ZFAT: variants seen among roughly 807,000 people sequenced by gnomAD.
The protein encoded by ZFAT is zinc finger protein ZFAT.
ZFAT carries 64 observed loss-of-function variants against 117.7 expected under a neutral mutation model. The observed-to-expected ratio is 0.54, with a 90% CI of 0.44 to 0.67. The LOEUF is 0.67. Among genes scored for constraint, ZFAT ranks in the 30% least tolerant of loss-of-function variants. The pLI is 0.00. For missense variants in ZFAT, 1,433 were observed against 1,584.5 expected, an observed-to-expected ratio of 0.90 and a Z score of 1.62; for synonymous variants, 679 against 615.0, an observed-to-expected ratio of 1.10 and a Z score of -1.54.
chr8:134,639,971 C>T, intron 2 of ZFAT: 2 of 353,398 alleles, frequency 5.7e-6, no homozygotes. Context: ...CCCTTGGCTA[C>T]AGGGAGGTGA....
chr8:134,576,145 G>A (rs1825282003), intron 10 of ZFAT, among the ~76,000 whole-genome samples: 1 of 152,184 alleles, frequency 6.6e-6, no homozygotes, highest in Non-Finnish European at 1.5e-5. Flanking sequence ...CCCTCTACCT[G>A]GTGAGGTTTT....
the ZFAT span, among the ~76,000 whole-genome samples, chr8:134,825,792 G>A: frequency 5.3e-5 from 8 of 152,272 alleles, no homozygotes; most frequent in East Asian, 1.4e-3. Context: ...AGGACGAGGC[G>A]GGCGGATCAC....
the ZFAT span, among the ~76,000 whole-genome samples, chr8:134,806,201 T>C: frequency 1.3e-5 from 2 of 152,186 alleles, no homozygotes; most frequent in South Asian, 4.1e-4. Flanking sequence ...ATTAATTTCC[T>C]AATACCAAAT....
rs115485342 is a variant in ZFAT at position 134,659,207 on chromosome 8, A to G, written c.20-1470T>C. Among the ~76,000 whole-genome samples the G allele has an allele frequency of 7.0e-3, 1,062 of 152,200 alleles. 21 individuals are homozygous for G. The highest frequency in any genetic ancestry group is 0.024 in the African/African-American group (1,012 of 41,528). Reference sequence around the variant, plus strand: ...TCATCCTCCTCGCTCCTCACTCTCAACAGCTGACCTTGCTTCATATCTCAC... The same window carrying G: ...TCATCCTCCTCGCTCCTCACTCTCAGCAGCTGACCTTGCTTCATATCTCAC... On this transcript the variant is annotated intron_variant, in intron 1 of 15. Coordinates refer to ENST00000377838, the MANE Select transcript of ZFAT (RefSeq NM_020863.4).
intron 7 of ZFAT, among the ~76,000 whole-genome samples, chr8:134,596,034 T>C (rs886540992): frequency 3.9e-5 from 6 of 152,180 alleles, no homozygotes; most frequent in African/African-American, 9.7e-5. Context: ...CCTGCTTCCA[T>C]CTCCAGGGTC....
chr8:134,742,395 A>G, the ZFAT span, among the ~76,000 whole-genome samples: 1 of 152,160 alleles, frequency 6.6e-6, no homozygotes, highest in Admixed American at 6.5e-5. Flanking sequence ...CGCAGGTGCC[A>G]TCATGAAGCC....
intron 1 of ZFAT, among the ~76,000 whole-genome samples, chr8:134,661,362 A>G (rs987265806): frequency 6.6e-6 from 1 of 152,214 alleles, no homozygotes; most frequent in South Asian, 2.1e-4. Flanking sequence ...GAGAGCCAGC[A>G]GTCCACCAGC....
chr8:134,639,784 T>C, intron 2 of ZFAT: 1 of 456,200 alleles, frequency 2.2e-6, no homozygotes, highest in Non-Finnish European at 4.4e-6. Context: ...CCTCGTGTCA[T>C]GTCAGCTGAG....
At chr8:134,598,740 GT>G (rs1827161495) in intron 7 of ZFAT, 1 of 152,234 alleles carries the variant, frequency 6.6e-6, no homozygotes, top group Non-Finnish European at 1.5e-5. Flanking sequence ...AGAGCAGCAA[GT>G]TCCAAAAGGA....
At chr8:134,570,503 C>A (rs1348232110) in intron 10 of ZFAT, among the ~76,000 whole-genome samples, 1 of 152,148 alleles carries the variant, frequency 6.6e-6, no homozygotes, top group Non-Finnish European at 1.5e-5. Flanking sequence ...TGGTTGCAAT[C>A]ACCGAAGCAG....
chr8:134,584,112 G>T, intron 9 of ZFAT, 107 bp from the exon 10 acceptor site: 2 of 1,210,962 alleles, frequency 1.7e-6, no homozygotes, highest in Non-Finnish European at 1.1e-6. Context: ...TTATAGATAT[G>T]TATATATAAA....
chr8:134,760,622 G>T, the ZFAT span, among the ~76,000 whole-genome samples: 1 of 152,156 alleles, frequency 6.6e-6, no homozygotes, highest in Admixed American at 6.5e-5. Flanking sequence ...GTGCAAAGCA[G>T]TACTAAATGC....
intron 1 of ZFAT, among the ~76,000 whole-genome samples, chr8:134,675,505 A>T (rs1832753775): frequency 6.6e-6 from 1 of 152,228 alleles, no homozygotes. Flanking sequence ...TGATAGAGAG[A>T]ATGGAACCAA....
chr8:134,808,175 T>TGCACAC, the ZFAT span, among the ~76,000 whole-genome samples: 2 of 151,934 alleles, frequency 1.3e-5, no homozygotes, highest in African/African-American at 4.8e-5. Flanking sequence ...GACATGCACA[T>TGCACAC]GCACACATGC....
chr8:134,756,559 A>G, the ZFAT span, among the ~76,000 whole-genome samples: 1 of 152,112 alleles, frequency 6.6e-6, no homozygotes, highest in Admixed American at 6.5e-5. Context: ...TCCACCTCCA[A>G]TCCCTCTTCA....
At chr8:134,516,964 ATTGT>A (rs1820296217) in intron 13 of ZFAT, among the ~76,000 whole-genome samples, 2 of 152,170 alleles carry the variant, frequency 1.3e-5, no homozygotes, top group Admixed American at 1.3e-4. Context: ...AGGTGACTGA[ATTGT>A]TTTTTCCAAA....
chr8:134,739,287 ATGTGTGTGTGTG>A, the ZFAT span, among the ~76,000 whole-genome samples: 26 of 150,498 alleles, frequency 1.7e-4, no homozygotes, highest in African/African-American at 6.1e-4. Context: ...GTGTGTAGAG[ATGTGTGTGTGTG>A]TGTGTGTGTG....
At chr8:134,619,100 A>G (rs1034085869) in intron 3 of ZFAT, among the ~76,000 whole-genome samples, 2 of 152,168 alleles carry the variant, frequency 1.3e-5, no homozygotes, top group African/African-American at 4.8e-5. Context: ...AACCCATCCT[A>G]AGTCAAAAAT....
At chr8:134,787,954 G>C in the ZFAT span, among the ~76,000 whole-genome samples, 1 of 151,904 alleles carries the variant, frequency 6.6e-6, no homozygotes, top group Non-Finnish European at 1.5e-5. Context: ...AAGTTATTTT[G>C]TTTGTTGAGT....
Sources: gnomAD v4.1 joint callset for allele counts (sites outside exome capture counted in the v4.1 genomes callset) on GRCh38, gnomAD v4.1.1 for gene constraint, MANE v1.5 for transcripts, NCBI Gene and HGNC (gene_info 2026-07-23, HGNC 2026-07-21) for gene names.